Variants in CEMIP observed in about 807,000 individuals in gnomAD.
The protein encoded by CEMIP is cell migration inducing hyaluronidase 1.
A neutral mutation model predicts 156.9 loss-of-function variants in CEMIP; 105 were observed. That is an observed-to-expected ratio of 0.67 (90% CI 0.57 to 0.79). CEMIP has a LOEUF of 0.79. Ranked by LOEUF, CEMIP falls within the 30% of genes least tolerant of loss-of-function variation. The pLI, the probability that CEMIP is intolerant of heterozygous loss-of-function variation, is 0.00. For synonymous variants in CEMIP, 676 were observed against 668.4 expected, an observed-to-expected ratio of 1.01 and a Z score of -0.17; for missense variants, 1,457 against 1,769.4, an observed-to-expected ratio of 0.82 and a Z score of 3.17.
At chr15:80,840,451 C>T (rs1278613798) in intron 1 of CEMIP, among the ~76,000 whole-genome samples, 2 of 152,244 alleles carry the variant, frequency 1.3e-5, no homozygotes, top group Admixed American at 1.3e-4. Context: ...GCGCTGCCTC[C>T]AGAACTGTGG....
chr15:80,903,310 G>T (rs1003606778), intron 12 of CEMIP: 1 of 152,332 alleles, frequency 6.6e-6, no homozygotes, highest in Non-Finnish European at 1.5e-5. Flanking sequence ...GCTCGGCCTG[G>T]TTTCCTGGCT....
rs572149604 is a variant in CEMIP at position 80,816,365 on chromosome 15, G to A, written c.-176+36751G>A. ...ATGGGTCCTTGAGGGAGGCAGGAAAGTTGTCTGTCTGGATGTTTCCTCGGA... is the reference window on the plus strand; with the variant it reads ...ATGGGTCCTTGAGGGAGGCAGGAAAATTGTCTGTCTGGATGTTTCCTCGGA... On this transcript the variant is annotated intron_variant, in intron 1 of 29. Transcript: ENST00000394685. 1.8e-4 allele frequency among the ~76,000 whole-genome samples: 28 copies of A among 152,320 alleles called. No individual in the cohort carries two copies. In the Middle Eastern group the frequency reaches 0.01, roughly 56 times the overall value.
At chr15:80,840,151 G>C (rs529176801) in intron 1 of CEMIP, among the ~76,000 whole-genome samples, 1 of 152,224 alleles carries the variant, frequency 6.6e-6, no homozygotes, top group African/African-American at 2.4e-5. Flanking sequence ...CTAGGGGCTC[G>C]GAGGGTGGCC....
chr15:80,938,254 T>C, intron 25 of CEMIP: 1 of 418,360 alleles, frequency 2.4e-6, no homozygotes. Flanking sequence ...CAGTAAATCT[T>C]AGAATCCAGA....
At chr15:80,820,288 CCGTGA>C (rs1160373127) in intron 1 of CEMIP, among the ~76,000 whole-genome samples, 1 of 152,194 alleles carries the variant, frequency 6.6e-6, no homozygotes, top group African/African-American at 2.4e-5. Flanking sequence ...CTTATAAATA[CCGTGA>C]GTCACATGTC....
intron 1 of CEMIP, among the ~76,000 whole-genome samples, chr15:80,814,711 C>T (rs140818856): frequency 2.6e-3 from 403 of 152,286 alleles, no homozygotes; most frequent in Middle Eastern, 0.014. Flanking sequence ...GCCAGAGTAA[C>T]AGCATGGGCA....
At chr15:80,873,763 CTG>C in intron 2 of CEMIP, 67 bp downstream of exon 2, 2 of 799,192 alleles carry the variant, frequency 2.5e-6, no homozygotes, top group South Asian at 1.5e-5. Flanking sequence ...TGTCCCGTGT[CTG>C]TGTGTGTGCA....
At chr15:80,900,582 A>AGGG (rs1237433044) in intron 12 of CEMIP, among the ~76,000 whole-genome samples, 11 of 49,888 alleles carry the variant, frequency 2.2e-4, no homozygotes, top group East Asian at 1.6e-3. Context: ...AGCCCCAGGT[A>AGGG]GGGGTGTGTG....
At chr15:80,786,550 GT>G (rs1011999233) in intron 1 of CEMIP, among the ~76,000 whole-genome samples, 5 of 130,314 alleles carry the variant, frequency 3.8e-5, no homozygotes, top group African/African-American at 1.5e-4. Context: ...TATTCTGGAT[GT>G]CTTGCTGTGT....
chr15:80,789,974 G>A (rs1896038366), intron 1 of CEMIP, among the ~76,000 whole-genome samples: 2 of 152,204 alleles, frequency 1.3e-5, no homozygotes, highest in Admixed American at 6.5e-5. Flanking sequence ...CAGGGGGAAC[G>A]AGGGGCAGAG....
chr15:80,827,460 A>G (rs1258651576), intron 1 of CEMIP, among the ~76,000 whole-genome samples: 1 of 152,132 alleles, frequency 6.6e-6, no homozygotes, highest in Middle Eastern at 3.2e-3. Context: ...CTCTACTAAA[A>G]ATACAAAAAT....
intron 1 of CEMIP, among the ~76,000 whole-genome samples, chr15:80,794,561 T>C (rs531148941): frequency 1.4e-4 from 22 of 152,366 alleles, no homozygotes; most frequent in African/African-American, 5.0e-4. Context: ...TTTAATAATA[T>C]ACTTTATTTT....
In CEMIP at chr15:80,837,330, T is replaced by C. The variant is rs570466098; in HGVS notation, c.-175-36208T>C. ...ACGAGAGAGATGGGAGGGGTGTAAA[T>C]GATGGGTGGTGGAGTCTAGAATCAG... On this transcript the variant is annotated intron_variant, in intron 1 of 29. Coordinates refer to ENST00000394685, the MANE Select transcript of CEMIP (RefSeq NM_001293298.2). Among the ~76,000 whole-genome samples, 3 of 152,080 alleles carry C rather than the reference T, an allele frequency of 2.0e-5. No homozygotes were observed. The South Asian group carries it at 6.2e-4, about 32-fold the overall frequency.
chr15:80,925,858 C>T (rs1306129496), intron 19 of CEMIP, 103 bp downstream of exon 19: 1 of 1,477,086 alleles, frequency 6.8e-7, no homozygotes, highest in Non-Finnish European at 9.0e-7. Context: ...GGAAGCCAGA[C>T]ATACTGACGT....
At chr15:80,798,290 T>C (rs1312225695) in intron 1 of CEMIP, among the ~76,000 whole-genome samples, 1 of 152,250 alleles carries the variant, frequency 6.6e-6, no homozygotes, top group East Asian at 1.9e-4. Context: ...TTAAAGTTTA[T>C]TCATAAGCAT....
intron 1 of CEMIP, among the ~76,000 whole-genome samples, chr15:80,832,533 C>A (rs1192812294): frequency 6.6e-6 from 1 of 151,994 alleles, no homozygotes; most frequent in Non-Finnish European, 1.5e-5. Flanking sequence ...TGAATTAGAT[C>A]GGAATGAGTT....
intron 1 of CEMIP, among the ~76,000 whole-genome samples, chr15:80,855,712 G>C (rs1177277808): frequency 1.3e-5 from 2 of 152,022 alleles, no homozygotes; most frequent in Non-Finnish European, 2.9e-5. Context: ...TAGTAGAGAC[G>C]GGGTTTTGCC....
chr15:80,791,384 T>C (rs1289717563), intron 1 of CEMIP, among the ~76,000 whole-genome samples: 1 of 152,196 alleles, frequency 6.6e-6, no homozygotes, highest in Non-Finnish European at 1.5e-5. Context: ...TATCGGATAA[T>C]GTCACTGCTA....
At chr15:80,901,843 C>T (rs1899572281) in intron 12 of CEMIP, among the ~76,000 whole-genome samples, 1 of 152,180 alleles carries the variant, frequency 6.6e-6, no homozygotes, top group Admixed American at 6.5e-5. Flanking sequence ...GTGGGCGGCA[C>T]TGATGTAGGT....
Sources: gnomAD v4.1 joint callset for allele counts (sites outside exome capture counted in the v4.1 genomes callset) on GRCh38, gnomAD v4.1.1 for gene constraint, MANE v1.5 for transcripts, NCBI Gene and HGNC (gene_info 2026-07-23, HGNC 2026-07-21) for gene names.